The following KLRG1 variants were observed in gnomAD, a reference collection of about 807,000 sequenced individuals.
KLRG1 encodes killer cell lectin like receptor G1.
Under a neutral mutation model 21.8 loss-of-function variants are expected in KLRG1, and 16 were observed. The observed-to-expected ratio is 0.73, with a 90% CI of 0.50 to 1.11. KLRG1 has a LOEUF of 1.11. Ranked by LOEUF, KLRG1 falls within the 50% of genes most tolerant of loss-of-function variation. KLRG1 has a pLI of 0.00. For synonymous variants in KLRG1, 69 were observed against 75.9 expected, an observed-to-expected ratio of 0.91 and a Z score of 0.47; for missense variants, 173 against 218.3, an observed-to-expected ratio of 0.79 and a Z score of 1.31.
the KLRG1 span, chr12:9,076,667 G>T: frequency 2.5e-6 from 3 of 1,196,130 alleles, no homozygotes; most frequent in Non-Finnish European, 3.7e-6. Context: ...AGGAGACAGG[G>T]ATCACAGGAG....
chr12:9,115,713 A>G, the KLRG1 span: 3 of 1,400,526 alleles, frequency 2.1e-6, no homozygotes, highest in African/African-American at 4.3e-5. Context: ...AAAATCTGCA[A>G]TAAATGAAGG....
the KLRG1 span, among the ~76,000 whole-genome samples, chr12:9,215,490 TTCTC>T: frequency 1.9e-3 from 287 of 152,120 alleles, no homozygotes; most frequent in Admixed American, 1.4e-3. Flanking sequence ...AAAAAGTCCT[TTCTC>T]TTTCTTTTTA....
At chr12:9,045,277 C>A in the KLRG1 span, among the ~76,000 whole-genome samples, 1 of 152,084 alleles carries the variant, frequency 6.6e-6, no homozygotes, top group African/African-American at 2.4e-5. Flanking sequence ...TGTCATCGGA[C>A]CTGTGAGGCT....
the KLRG1 span, among the ~76,000 whole-genome samples, chr12:9,193,678 G>A: frequency 3.3e-5 from 5 of 152,184 alleles, no homozygotes; most frequent in East Asian, 7.7e-4. Flanking sequence ...TTTTTAGCTA[G>A]GGAAATCTTT....
At chr12:9,213,685 C>A in the KLRG1 span, among the ~76,000 whole-genome samples, 1 of 151,824 alleles carries the variant, frequency 6.6e-6, no homozygotes, top group Non-Finnish European at 1.5e-5. Context: ...AATTGTTTAT[C>A]TTTTTATTGT....
At chr12:9,067,087 C>T in the KLRG1 span, 1 of 152,282 alleles carries the variant, frequency 6.6e-6, no homozygotes, top group Non-Finnish European at 1.5e-5. Flanking sequence ...CAGAATATCT[C>T]CTTGACTTTA....
At position 8,995,192 on chromosome 12, in the gene KLRG1, T is replaced by C; in HGVS notation, c.261T>C (p.Tyr87=). Reference sequence around the variant, plus strand: ...GGATGAAATATGGTAACCATTGTTATTATTTCTCAGTGGAGGAAAAGGACT... The same window carrying C: ...GGATGAAATATGGTAACCATTGTTACTATTTCTCAGTGGAGGAAAAGGACT... ...DRWMKYGNHC[Y]YFSVEEKDWN... The change falls in exon 3 of 5, where the codon TAT becomes TAC. Residue 87 remains tyrosine, a synonymous_variant. Transcript: ENST00000356986. 6.2e-7 allele frequency: 1 copy of C among 1,613,918 alleles called. No individual in the cohort carries two copies. Among genetic ancestry groups the C allele is most frequent in the Non-Finnish European group, 8.5e-7 (1 of 1,179,862 alleles).
chr12:9,126,541 T>A, the KLRG1 span, among the ~76,000 whole-genome samples: 1 of 152,202 alleles, frequency 6.6e-6, no homozygotes, highest in Non-Finnish European at 1.5e-5. Context: ...AATATGGAAC[T>A]TTCCGACATA....
chr12:8,975,996 T>C (rs747321965), intron 1 of KLRG1, among the ~76,000 whole-genome samples: 50 of 152,270 alleles, frequency 3.3e-4, no homozygotes, highest in Admixed American at 2.0e-3. Flanking sequence ...TATTATTTCC[T>C]TCCTTTTGCT....
intron 3 of KLRG1, among the ~76,000 whole-genome samples, chr12:8,998,620 T>C (rs1434432191): frequency 6.7e-6 from 1 of 149,302 alleles, no homozygotes; most frequent in Non-Finnish European, 1.5e-5. Context: ...ACCCAGGAAG[T>C]AGAGGCTGCA....
chr12:9,087,806 C>T, the KLRG1 span, among the ~76,000 whole-genome samples: 65 of 152,000 alleles, frequency 4.3e-4, no homozygotes, highest in Non-Finnish European at 9.0e-4. Context: ...CAACAACAAC[C>T]AACCAAACAA....
the KLRG1 span, chr12:9,058,053 ACT>A: frequency 6.6e-6 from 1 of 152,098 alleles, no homozygotes; most frequent in Admixed American, 6.5e-5. Context: ...TGGCAAGCTG[ACT>A]CTATCTATAT....
At chr12:9,155,431 T>C in the KLRG1 span, among the ~76,000 whole-genome samples, 1 of 152,194 alleles carries the variant, frequency 6.6e-6, no homozygotes, top group African/African-American at 2.4e-5. Context: ...AGCATGTTCT[T>C]TCCTGCTAAT....
intron 4 of KLRG1, 114 bp from the exon 5 acceptor site, chr12:9,009,312 A>AATTAGGGG: frequency 7.6e-7 from 1 of 1,311,242 alleles, no homozygotes; most frequent in Non-Finnish European, 1.0e-6. Flanking sequence ...TGTTTGGGGG[A>AATTAGGGG]ATTAGGGGCC....
the KLRG1 span, chr12:9,160,934 G>T: frequency 1.0e-6 from 1 of 974,022 alleles, no homozygotes; most frequent in Non-Finnish European, 1.6e-6. Context: ...AAAAAGAATA[G>T]CAGCTATCAA....
intron 3 of KLRG1, among the ~76,000 whole-genome samples, chr12:9,005,875 G>A (rs1390105772): frequency 2.6e-5 from 4 of 152,146 alleles, no homozygotes; most frequent in East Asian, 1.9e-4. Flanking sequence ...CAATGCCACC[G>A]CTGATCTGCT....
At chr12:9,157,413 G>A in the KLRG1 span, 20 of 1,465,908 alleles carry the variant, frequency 1.4e-5, no homozygotes, top group South Asian at 3.7e-5. Context: ...AGAGCAAGCT[G>A]AGAGCTGGAT....
At position 9,010,072 on chromosome 12, in the gene KLRG1, G is replaced by T; in HGVS notation, c.*535G>T. The T allele has an allele frequency of 6.7e-7, 1 of 1,490,102 alleles. No individual in the cohort carries two copies. Among genetic ancestry groups the T allele is most frequent in the Non-Finnish European group, 9.0e-7 (1 of 1,107,492 alleles). 92.3% of individuals were successfully genotyped at this position (1,490,102 alleles called of 1,614,324 possible). On this transcript the variant is annotated 3_prime_UTR_variant, in exon 5 of 5. Transcript: ENST00000356986. ...ATGCTGGTGTGTACCTGTAGTCCTA[G>T]CTATTTGGGAAGCTGAGGTGGGAGG...
chr12:9,107,626 A>G, the KLRG1 span: 1 of 1,613,970 alleles, frequency 6.2e-7, no homozygotes, highest in South Asian at 1.1e-5. Context: ...GTCCAGGGAC[A>G]GGCTTCCCAT....
Sources: allele counts gnomAD v4.1 joint callset (sites outside exome capture counted in the v4.1 genomes callset), GRCh38; gene constraint gnomAD v4.1.1; transcripts MANE v1.5; gene names NCBI Gene and HGNC (gene_info 2026-07-23, HGNC 2026-07-21).